Variants in KCNQ3 observed in about 807,000 individuals in gnomAD.
KCNQ3 encodes potassium voltage-gated channel subfamily KQT member 3.
Under a neutral mutation model 92.5 loss-of-function variants are expected in KCNQ3, and 30 were observed. That is an observed-to-expected ratio of 0.32 (90% CI 0.24 to 0.44). The LOEUF is 0.44. Among genes scored for constraint, KCNQ3 ranks in the 20% least tolerant of loss-of-function variants. The probability of loss-of-function intolerance (pLI) is 1.00; values close to 1 mark genes in which losing one functional copy is unlikely to be tolerated. For synonymous variants in KCNQ3, 450 were observed against 468.8 expected, an observed-to-expected ratio of 0.96 and a Z score of 0.52; for missense variants, 913 against 1,140.3, an observed-to-expected ratio of 0.80 and a Z score of 2.87.
intron 1 of KCNQ3, among the ~76,000 whole-genome samples, chr8:132,317,147 G>A (rs1817767638): frequency 6.6e-6 from 1 of 152,118 alleles, no homozygotes; most frequent in African/African-American, 2.4e-5. Flanking sequence ...TTTATGTGGA[G>A]CACCCAGCAA....
intron 1 of KCNQ3, among the ~76,000 whole-genome samples, chr8:132,195,694 G>C (rs1827281068): frequency 6.6e-6 from 1 of 152,134 alleles, no homozygotes; most frequent in African/African-American, 2.4e-5. Flanking sequence ...AGGTAAACCA[G>C]GTTCCCCCCA....
At chr8:132,371,731 C>T (rs541351221) in intron 1 of KCNQ3, among the ~76,000 whole-genome samples, 1 of 152,280 alleles carries the variant, frequency 6.6e-6, no homozygotes, top group Non-Finnish European at 1.5e-5. Context: ...AAGCTTTATC[C>T]CTTTAAGAGT....
chr8:132,434,225 AAAT>A (rs1224196497), intron 1 of KCNQ3, among the ~76,000 whole-genome samples: 109 of 136,752 alleles, frequency 8.0e-4, no homozygotes, highest in South Asian at 3.4e-3. Flanking sequence ...AAAAAAAAAA[AAAT>A]AATAATAATA....
At chr8:132,394,442 T>G (rs1464367796) in intron 1 of KCNQ3, among the ~76,000 whole-genome samples, 1 of 152,140 alleles carries the variant, frequency 6.6e-6, no homozygotes, top group African/African-American at 2.4e-5. Context: ...GAGTGTGACC[T>G]CCCACCCCCC....
intron 1 of KCNQ3, among the ~76,000 whole-genome samples, chr8:132,440,357 G>C (rs943063748): frequency 6.6e-6 from 1 of 152,088 alleles, no homozygotes; most frequent in East Asian, 1.9e-4. Flanking sequence ...CCTTCATGGC[G>C]CTGACCAGGT....
intron 1 of KCNQ3, among the ~76,000 whole-genome samples, chr8:132,286,977 T>C (rs941303577): frequency 1.3e-5 from 2 of 152,170 alleles, no homozygotes; most frequent in African/African-American, 4.8e-5. Context: ...ACTAGGCCCT[T>C]GTCAGATATA....
rs1824570036 is a variant in KCNQ3 at position 132,123,724 on chromosome 8, T to C, written c.*5538A>G. On this transcript the variant is annotated 3_prime_UTR_variant, in exon 15 of 15. Transcript: ENST00000388996. ...TGCTCTGAGCTTCTGCTTCTTGATCTAAAAAGACAGGTGGTTGTTCTGGGT... is the reference window on the plus strand; with the variant it reads ...TGCTCTGAGCTTCTGCTTCTTGATCCAAAAAGACAGGTGGTTGTTCTGGGT... The C allele has an allele frequency of 6.6e-6, 1 of 152,228 alleles. No individual in the cohort carries two copies. The highest frequency in any genetic ancestry group is 2.1e-4 in the South Asian group (1 of 4,826). 9.4% of individuals were successfully genotyped at this position (152,228 alleles called of 1,614,324 possible).
intron 8 of KCNQ3, 112 bp from the exon 9 acceptor site, chr8:132,163,606 G>T: frequency 1.1e-6 from 1 of 946,440 alleles, no homozygotes; most frequent in Non-Finnish European, 1.7e-6. Context: ...GCAGAGTTGA[G>T]CTCTAGGACA....
At chr8:132,320,604 C>T (rs557911715) in intron 1 of KCNQ3, among the ~76,000 whole-genome samples, 19 of 152,160 alleles carry the variant, frequency 1.2e-4, no homozygotes, top group Admixed American at 6.5e-4. Context: ...ATTCTGAGGG[C>T]TATAAACAGC....
intron 9 of KCNQ3, among the ~76,000 whole-genome samples, chr8:132,149,803 G>T (rs1051886185): frequency 6.6e-6 from 1 of 152,086 alleles, no homozygotes; most frequent in Admixed American, 6.5e-5. Flanking sequence ...TGCAGGGTAA[G>T]TATGAGCCAC....
intron 12 of KCNQ3, among the ~76,000 whole-genome samples, chr8:132,135,094 C>T (rs1242947956): frequency 6.6e-6 from 1 of 152,178 alleles, no homozygotes; most frequent in Non-Finnish European, 1.5e-5. Context: ...CCACCTTACC[C>T]CAGAACCTGT....
At position 132,480,488 on chromosome 8, in the gene KCNQ3, G is replaced by A. The variant is rs1172029906; in HGVS notation, c.45C>T (p.Gly15=). The change falls in exon 1 of 15, where the codon GGC becomes GGT. Residue 15 remains glycine (G), a synonymous_variant. Coordinates refer to ENST00000388996, the MANE Select transcript of KCNQ3 (RefSeq NM_004519.4). ...ARRAAGAAGG[G]GDGGGGGGGA... ...CGCCGCCTCCGCCGCCCCCGTCGCC[G>A]CCGCCGCCAGCCGCCCCCGCCGCCC... is the stretch of plus-strand genomic sequence containing the variant. 1 of 1,174,602 alleles carries A rather than the reference G, an allele frequency of 8.5e-7. No homozygotes were observed. Among genetic ancestry groups the A allele is most frequent in the Non-Finnish European group, 1.0e-6 (1 of 956,280 alleles). The allele number at this position is 1,174,602 out of a possible 1,614,324, so 72.8% of individuals were successfully genotyped here.
At chr8:132,196,849 T>C (rs1827312111) in intron 1 of KCNQ3, among the ~76,000 whole-genome samples, 1 of 152,196 alleles carries the variant, frequency 6.6e-6, no homozygotes, top group African/African-American at 2.4e-5. Context: ...CCTAAGGGAT[T>C]GTTTCCTCAT....
At chr8:132,409,833 T>A (rs1415432882) in intron 1 of KCNQ3, among the ~76,000 whole-genome samples, 3 of 152,270 alleles carry the variant, frequency 2.0e-5, no homozygotes. Flanking sequence ...TGGCCTTGCC[T>A]GATGCCCAGA....
intron 1 of KCNQ3, among the ~76,000 whole-genome samples, chr8:132,215,787 G>C (rs1040884186): frequency 6.6e-6 from 1 of 152,184 alleles, no homozygotes; most frequent in Non-Finnish European, 1.5e-5. Flanking sequence ...TCCCTGCCCT[G>C]GGTGGGTAAT....
chr8:132,470,106 T>TG (rs11427872), intron 1 of KCNQ3, among the ~76,000 whole-genome samples: 138,807 of 152,102 alleles, frequency 0.91, 63,398 homozygotes, highest in East Asian at 0.92. Flanking sequence ...GAAAGAACTA[T>TG]GCTCATCTCC....
intron 9 of KCNQ3, among the ~76,000 whole-genome samples, chr8:132,157,148 T>C (rs1825822096): frequency 6.6e-6 from 1 of 152,138 alleles, no homozygotes; most frequent in African/African-American, 2.4e-5. Context: ...GCTGTAGAAA[T>C]CTAATAGCAA....
At chr8:132,401,730 T>C (rs1390849023) in intron 1 of KCNQ3, among the ~76,000 whole-genome samples, 2 of 152,162 alleles carry the variant, frequency 1.3e-5, no homozygotes, top group East Asian at 3.9e-4. Flanking sequence ...TATGAAAGAA[T>C]CTCCTTTGAC....
chr8:132,159,201 A>C (rs1484465522), intron 9 of KCNQ3, among the ~76,000 whole-genome samples: 1 of 152,210 alleles, frequency 6.6e-6, no homozygotes, highest in East Asian at 1.9e-4. Flanking sequence ...CACGTTCTTT[A>C]ATGCAATATT....
Sources: allele counts gnomAD v4.1 joint callset (sites outside exome capture counted in the v4.1 genomes callset), GRCh38; gene constraint gnomAD v4.1.1; transcripts MANE v1.5; gene names NCBI Gene and HGNC (gene_info 2026-07-23, HGNC 2026-07-21).